PAK1: variants seen among roughly 807,000 people sequenced by gnomAD.
PAK1 encodes p21 (RAC1) activated kinase 1, also known as serine/threonine-protein kinase PAK 1.
A neutral mutation model predicts 67.4 loss-of-function variants in PAK1; 29 were observed. The observed-to-expected ratio is 0.43, with a 90% CI of 0.32 to 0.59. The LOEUF (loss-of-function observed/expected upper bound fraction) is 0.59. Ranked by LOEUF, PAK1 falls within the 20% of genes least tolerant of loss-of-function variation. PAK1 has a pLI of 0.07. For synonymous variants in PAK1, 223 were observed against 237.4 expected, an observed-to-expected ratio of 0.94 and a Z score of 0.56; for missense variants, 337 against 670.7, an observed-to-expected ratio of 0.50 and a Z score of 5.50.
chr11:77,464,595 C>T (rs1163380784), intron 1 of PAK1, among the ~76,000 whole-genome samples: 1 of 152,122 alleles, frequency 6.6e-6, no homozygotes, highest in Admixed American at 6.5e-5. Flanking sequence ...TAAATAGAAG[C>T]ACTATAGAGC....
chr11:77,398,309 A>G (rs1197128922), intron 1 of PAK1, among the ~76,000 whole-genome samples: 3 of 151,922 alleles, frequency 2.0e-5, no homozygotes, highest in Non-Finnish European at 2.9e-5. Flanking sequence ...ATCTATGTCC[A>G]TTAGTTGAAT....
chr11:77,515,464 G>A, the PAK1 span, among the ~76,000 whole-genome samples: 3 of 152,190 alleles, frequency 2.0e-5, no homozygotes, highest in Non-Finnish European at 4.4e-5. Flanking sequence ...TTACATGGAG[G>A]AACATTACCA....
chr11:77,343,396 A>G (rs981030726), intron 10 of PAK1, among the ~76,000 whole-genome samples: 14 of 152,244 alleles, frequency 9.2e-5, no homozygotes, highest in African/African-American at 3.4e-4. Context: ...CACTCTCTCC[A>G]TAGTGGTCAG....
chr11:77,494,190 T>A, the PAK1 span, among the ~76,000 whole-genome samples: 7 of 152,236 alleles, frequency 4.6e-5, no homozygotes, highest in Non-Finnish European at 8.8e-5. Context: ...ACTGCAGCAC[T>A]GTAACCTCAT....
chr11:77,333,522 C>T (rs1197349127), intron 13 of PAK1, among the ~76,000 whole-genome samples: 6 of 152,076 alleles, frequency 3.9e-5, no homozygotes, highest in Admixed American at 2.6e-4. Context: ...GCTTACACAT[C>T]TGAAGGGTTT....
At chr11:77,419,665 A>G (rs894275205) in intron 1 of PAK1, among the ~76,000 whole-genome samples, 16 of 152,242 alleles carry the variant, frequency 1.1e-4, no homozygotes, top group South Asian at 2.1e-4. Context: ...GCAACCACAA[A>G]TAACTTTTAA....
At chr11:77,324,776 C>CACAG (rs1555136259) in intron 14 of PAK1, among the ~76,000 whole-genome samples, 214 of 126,892 alleles carry the variant, frequency 1.7e-3, no homozygotes, top group African/African-American at 4.5e-3. Context: ...CACACACACA[C>CACAG]AGAGAGAGAG....
rs191683072 is a variant in PAK1 at position 77,323,460 on chromosome 11, G to A, written c.1552-100C>T. ...GGCATCTTTGTTTGTAAAGGGTGCT[G>A]TGTGGAAAGCTTCTGATCATCCCCA... On this transcript the variant is annotated intron_variant, in intron 14 of 14. Transcript: ENST00000356341. 33 of 821,266 alleles carry A rather than the reference G, an allele frequency of 4.0e-5. No individual in the cohort carries two copies. The African/African-American group carries it at 4.4e-4, about 11-fold the overall frequency. 50.9% of individuals were successfully genotyped at this position (821,266 alleles called of 1,614,324 possible).
intron 1 of PAK1, among the ~76,000 whole-genome samples, chr11:77,397,690 TC>T (rs1365027549): frequency 1.3e-5 from 2 of 152,218 alleles, no homozygotes; most frequent in Non-Finnish European, 2.9e-5. Context: ...AACAACTACC[TC>T]TTTCTACTCT....
chr11:77,405,670 G>GAC (rs370157407), intron 1 of PAK1, among the ~76,000 whole-genome samples: 162 of 125,646 alleles, frequency 1.3e-3, no homozygotes, highest in Middle Eastern at 7.5e-3. Context: ...CAGACAGACA[G>GAC]ACAGACACAC....
chr11:77,402,840 AAATC>A (rs747579507), intron 1 of PAK1, among the ~76,000 whole-genome samples: 4 of 152,234 alleles, frequency 2.6e-5, no homozygotes, highest in Non-Finnish European at 4.4e-5. Flanking sequence ...AATTAGGACT[AAATC>A]AATCAATCAG....
At chr11:77,330,206 T>C (rs1415549554) in intron 14 of PAK1, among the ~76,000 whole-genome samples, 2 of 152,204 alleles carry the variant, frequency 1.3e-5, no homozygotes, top group African/African-American at 4.8e-5. Flanking sequence ...ATGGCCATAC[T>C]GCCCAAGGTA....
At chr11:77,455,744 C>T (rs978157333) in intron 1 of PAK1, 1 of 152,216 alleles carries the variant, frequency 6.6e-6, no homozygotes, top group Non-Finnish European at 1.5e-5. Flanking sequence ...ATTCCCATGA[C>T]ACCTGGCCCT....
intron 1 of PAK1, among the ~76,000 whole-genome samples, chr11:77,457,716 A>C (rs954942708): frequency 2.0e-5 from 3 of 152,158 alleles, no homozygotes. Flanking sequence ...TTTCCATCTC[A>C]ATCTCCAGGA....
chr11:77,525,258 G>A, the PAK1 span, among the ~76,000 whole-genome samples: 1 of 151,870 alleles, frequency 6.6e-6, no homozygotes. Context: ...TGAGGCTGGA[G>A]GATCACTTGA....
At chr11:77,514,270 G>A in the PAK1 span, among the ~76,000 whole-genome samples, 43 of 152,234 alleles carry the variant, frequency 2.8e-4, 1 homozygote, top group Non-Finnish European at 2.4e-4. Context: ...GAGGCGGGTG[G>A]ATCACTTGAG....
At chr11:77,392,716 T>C (rs1201902826) in intron 1 of PAK1, among the ~76,000 whole-genome samples, 175 bp from the exon 2 acceptor site, 2 of 152,214 alleles carry the variant, frequency 1.3e-5, no homozygotes, top group Non-Finnish European at 2.9e-5. Flanking sequence ...ATGCCTACTA[T>C]ATGCCAAGCA....
At chr11:77,471,099 T>C (rs1389801347) in intron 1 of PAK1, among the ~76,000 whole-genome samples, 1 of 152,216 alleles carries the variant, frequency 6.6e-6, no homozygotes, top group Non-Finnish European at 1.5e-5. Flanking sequence ...GTGCCTGCTA[T>C]ATGCAGTCAC....
chr11:77,459,413 A>C (rs1957220054), intron 1 of PAK1, among the ~76,000 whole-genome samples: 1 of 152,218 alleles, frequency 6.6e-6, no homozygotes, highest in African/African-American at 2.4e-5. Flanking sequence ...CTGGTAAAAA[A>C]AACTACAGAG....
Sources: allele counts gnomAD v4.1 joint callset (sites outside exome capture counted in the v4.1 genomes callset), GRCh38; gene constraint gnomAD v4.1.1; transcripts MANE v1.5; gene names NCBI Gene and HGNC (gene_info 2026-07-23, HGNC 2026-07-21).